CLEC16A: variants seen among roughly 807,000 people sequenced by gnomAD.
CLEC16A encodes the protein C-type lectin domain containing 16A.
CLEC16A carries 51 observed loss-of-function variants against 109.5 expected under a neutral mutation model. The observed-to-expected ratio is 0.47, with a 90% CI of 0.37 to 0.59. CLEC16A has a LOEUF of 0.59. Ranked by LOEUF, CLEC16A falls within the 20% of genes least tolerant of loss-of-function variation. The pLI, the probability that CLEC16A is intolerant of heterozygous loss-of-function variation, is 0.00. For missense variants in CLEC16A, 1,339 were observed against 1,394.0 expected, an observed-to-expected ratio of 0.96 and a Z score of 0.63; for synonymous variants, 673 against 564.2, an observed-to-expected ratio of 1.19 and a Z score of -2.73.
chr16:11,030,152 T>C (rs2046654302), intron 13 of CLEC16A, among the ~76,000 whole-genome samples: 1 of 152,206 alleles, frequency 6.6e-6, no homozygotes. Context: ...TTGTTTCCAG[T>C]TTTGGACTAT....
At chr16:10,982,819 C>G in intron 9 of CLEC16A, 59 bp from the exon 10 acceptor site, 7 of 990,284 alleles carry the variant, frequency 7.1e-6, no homozygotes, top group Non-Finnish European at 1.1e-5. Flanking sequence ...ATCCAGGAAG[C>G]AAGAGGTTGA....
At chr16:11,012,883 T>C (rs1330953878) in intron 11 of CLEC16A, among the ~76,000 whole-genome samples, 1 of 152,214 alleles carries the variant, frequency 6.6e-6, no homozygotes, top group Non-Finnish European at 1.5e-5. Context: ...TGACAATCAT[T>C]TGTATTCATT....
chr16:10,999,463 C>T (rs924712449), intron 10 of CLEC16A, among the ~76,000 whole-genome samples: 4 of 152,118 alleles, frequency 2.6e-5, no homozygotes, highest in African/African-American at 4.8e-5. Flanking sequence ...CTGCCTACTC[C>T]CTTCCTGCAT....
chr16:10,956,078 T>A (rs1418102033), intron 1 of CLEC16A, among the ~76,000 whole-genome samples: 2 of 152,248 alleles, frequency 1.3e-5, no homozygotes. Flanking sequence ...GTGGTTCAAG[T>A]GCTGTTTGAG....
chr16:10,964,568 A>G (rs909522353), intron 3 of CLEC16A, among the ~76,000 whole-genome samples: 2 of 152,214 alleles, frequency 1.3e-5, no homozygotes, highest in Non-Finnish European at 2.9e-5. Context: ...GGTCTGGCAG[A>G]TAGGACATGG....
chr16:10,977,741 C>A (rs1295218565), intron 8 of CLEC16A, among the ~76,000 whole-genome samples: 1 of 152,156 alleles, frequency 6.6e-6, no homozygotes, highest in East Asian at 1.9e-4. Context: ...TGGTCTCAAA[C>A]TCTTGACCTC....
At chr16:11,171,402 C>T (rs889530096) in intron 23 of CLEC16A, among the ~76,000 whole-genome samples, 2 of 152,196 alleles carry the variant, frequency 1.3e-5, no homozygotes, top group Non-Finnish European at 2.9e-5. Flanking sequence ...CCTGATGACC[C>T]GAGCAACTGT....
chr16:11,115,020 G>T (rs1168033602), intron 19 of CLEC16A, among the ~76,000 whole-genome samples: 1 of 152,158 alleles, frequency 6.6e-6, no homozygotes, highest in Non-Finnish European at 1.5e-5. Context: ...TCCGTTCTGG[G>T]GTTTTATCCT....
In CLEC16A at chr16:11,156,636, T is replaced by C. The variant is rs1414595110; in HGVS notation, c.2642-9752T>C. The C allele has an allele frequency of 3.8e-6, 5 of 1,304,192 alleles. No homozygotes were observed. In the Admixed American group the frequency reaches 1.1e-4, roughly 30 times the overall value. The allele number at this position is 1,304,192 out of a possible 1,614,324, so 80.8% of individuals were successfully genotyped here. A position where few individuals can be genotyped will look rare whatever the true frequency, so the allele number is the denominator to read the frequency against. ...GCCGCTCCCAAGCTTGCTAGTGCCT[T>C]GGCTGACAGACTGTTGTGGAGGTCT... On this transcript the variant is annotated intron_variant, in intron 22 of 23. Coordinates refer to ENST00000409790, the MANE Select transcript of CLEC16A (RefSeq NM_015226.3).
chr16:11,114,241 C>T (rs2051815523), intron 19 of CLEC16A, among the ~76,000 whole-genome samples: 1 of 151,314 alleles, frequency 6.6e-6, no homozygotes, highest in African/African-American at 2.4e-5. Flanking sequence ...CTATGCAAAT[C>T]CTTCACGTTT....
intron 13 of CLEC16A, among the ~76,000 whole-genome samples, chr16:11,032,022 C>T (rs2046769718): frequency 6.6e-6 from 1 of 152,250 alleles, no homozygotes; most frequent in Non-Finnish European, 1.5e-5. Flanking sequence ...AAGCATCAGT[C>T]ATTCTTGGAC....
intron 1 of CLEC16A, among the ~76,000 whole-genome samples, chr16:10,952,258 C>A (rs980293356): frequency 3.3e-5 from 5 of 152,210 alleles, no homozygotes; most frequent in African/African-American, 7.2e-5. Context: ...CTTTGGGAAG[C>A]CGAGGCAGGC....
rs546646840 is a variant in CLEC16A at position 11,024,516 on chromosome 16, C to T, written c.1437-305C>T. 235 of 295,156 alleles carry T rather than the reference C, an allele frequency of 8.0e-4. 1 individual carries two copies. The highest frequency in any genetic ancestry group is 4.7e-3 in the African/African-American group (217 of 46,652). The allele number at this position is 295,156 out of a possible 1,614,324, so 18.3% of individuals were successfully genotyped here. A position where few individuals can be genotyped will look rare whatever the true frequency, so the allele number is the denominator to read the frequency against. On this transcript the variant is annotated intron_variant, in intron 12 of 23. Transcript: ENST00000409790. ...TTTGTTCTGTGTCTACCAGCTGACA[C>T]GGGAGCTTTGGTGTGGGGAGTTTGT... is the stretch of plus-strand genomic sequence containing the variant.
rs1219486553 is a variant in CLEC16A, at chr16:11,093,076, A to AC, written c.2117-27533dup. 8.6e-5 allele frequency among the ~76,000 whole-genome samples: 13 copies of AC among 151,810 alleles called. 1 individual carries two copies. The highest frequency in any genetic ancestry group is 8.5e-4 in the Admixed American group (13 of 15,236). On this transcript the variant is annotated intron_variant, in intron 19 of 23. Transcript: ENST00000409790. ...CATCTCAGGGATCTCCTCCTCCTGTACCCCCCACCACCTCCACTTCCCTGC... is the reference window on the plus strand; with the variant it reads ...CATCTCAGGGATCTCCTCCTCCTGTACCCCCCCACCACCTCCACTTCCCTGC...
chr16:10,988,404 C>G (rs1000378312), intron 10 of CLEC16A, among the ~76,000 whole-genome samples: 1 of 152,142 alleles, frequency 6.6e-6, no homozygotes, highest in Non-Finnish European at 1.5e-5. Context: ...CTTCCCTCCT[C>G]CCATGAGGAC....
At chr16:11,110,131 A>C (rs1267873227) in intron 19 of CLEC16A, among the ~76,000 whole-genome samples, 2 of 152,220 alleles carry the variant, frequency 1.3e-5, no homozygotes, top group Non-Finnish European at 1.5e-5. Flanking sequence ...AGGAGCTAAA[A>C]GAACAGTTGA....
At chr16:11,055,390 A>G (rs906257642) in intron 18 of CLEC16A, among the ~76,000 whole-genome samples, 1 of 151,952 alleles carries the variant, frequency 6.6e-6, no homozygotes, top group African/African-American at 2.4e-5. Context: ...GGTTAAAGTG[A>G]TAAAGGAGGC....
intron 19 of CLEC16A, among the ~76,000 whole-genome samples, chr16:11,119,870 C>T (rs1597449408): frequency 6.6e-6 from 1 of 152,190 alleles, no homozygotes; most frequent in African/African-American, 2.4e-5. Context: ...ATCATTTCTT[C>T]TGATCCATGA....
intron 19 of CLEC16A, among the ~76,000 whole-genome samples, chr16:11,106,409 C>A (rs1422054617): frequency 1.3e-5 from 2 of 151,666 alleles, no homozygotes; most frequent in South Asian, 4.2e-4. Flanking sequence ...CCACTTCGGC[C>A]TCCGAAGCAG....
Sources: allele counts gnomAD v4.1 joint callset (sites outside exome capture counted in the v4.1 genomes callset), GRCh38; gene constraint gnomAD v4.1.1; transcripts MANE v1.5; gene names NCBI Gene and HGNC (gene_info 2026-07-23, HGNC 2026-07-21).